Variants in CD36 observed in about 807,000 individuals in gnomAD.
CD36 encodes CD36 molecule (CD36 blood group).
Under a neutral mutation model 55.2 loss-of-function variants are expected in CD36, and 119 were observed. The ratio of observed to expected loss-of-function variants is 2.15; its 90% CI spans 1.86 to 2.51. CD36 has a LOEUF of 2.51. Among genes scored for constraint, CD36 ranks in the 30% most tolerant of loss-of-function variants. The probability of loss-of-function intolerance (pLI) is 0.00; values close to 1 mark genes in which losing one functional copy is unlikely to be tolerated. For synonymous variants in CD36, 186 were observed against 193.6 expected, an observed-to-expected ratio of 0.96 and a Z score of 0.33; for missense variants, 819 against 555.5, an observed-to-expected ratio of 1.47 and a Z score of -4.77.
At chr7:80,672,152 T>A in intron 11 of CD36, 112 bp downstream of exon 11, 7 of 920,732 alleles carry the variant, frequency 7.6e-6, no homozygotes, top group Non-Finnish European at 1.2e-5. Flanking sequence ...ATTTATTGAA[T>A]CACATTCTTG....
intron 5 of CD36, chr7:80,662,381 C>T (rs942767137): frequency 2.8e-5 from 6 of 215,214 alleles, no homozygotes; most frequent in Non-Finnish European, 5.1e-5. Flanking sequence ...ACCTGGGACA[C>T]CGGGGTCTTC....
chr7:80,623,175 C>T (rs1277345532), intron 1 of CD36, among the ~76,000 whole-genome samples: 3 of 152,054 alleles, frequency 2.0e-5, no homozygotes, highest in Admixed American at 1.3e-4. Flanking sequence ...AAATTTTGGA[C>T]TTCTATTAAA....
chr7:80,673,289 T>G, intron 12 of CD36, 66 bp from the exon 13 acceptor site: 2 of 745,490 alleles, frequency 2.7e-6, no homozygotes, highest in Non-Finnish European at 4.5e-6. Flanking sequence ...TGAACATTTA[T>G]TTTAAAGTTT....
chr7:80,641,745 A>G (rs1240571396), intron 1 of CD36, among the ~76,000 whole-genome samples: 1 of 152,070 alleles, frequency 6.6e-6, no homozygotes, highest in African/African-American at 2.4e-5. Context: ...ACACAGCTTT[A>G]TAAACACAAG....
rs1284547654 is a variant in CD36 at position 80,678,967 on chromosome 7, T to G, written c.*2584T>G. On this transcript the variant is annotated 3_prime_UTR_variant, in exon 15 of 15. Transcript: ENST00000447544. ...CCAACTGACATTTCAGTTTTTCTGT[T>G]TGAAGTCCAATGTATTAGTGACTCT... 6.6e-6 allele frequency: 1 copy of G among 152,224 alleles called. No homozygotes were observed. The highest frequency in any genetic ancestry group is 1.5e-5 in the Non-Finnish European group (1 of 68,046). The allele number at this position is 152,224 out of a possible 1,614,324, so 9.4% of individuals were successfully genotyped here. A position where few individuals can be genotyped will look rare whatever the true frequency, so the allele number is the denominator to read the frequency against.
At chr7:80,664,801 C>A (rs1402551644) in intron 7 of CD36, among the ~76,000 whole-genome samples, 1 of 149,994 alleles carries the variant, frequency 6.7e-6, no homozygotes, top group Non-Finnish European at 1.5e-5. Context: ...GCTACTTATC[C>A]AGCATTACAG....
At chr7:80,660,458 G>A (rs544273017) in intron 4 of CD36, among the ~76,000 whole-genome samples, 2 of 152,248 alleles carry the variant, frequency 1.3e-5, no homozygotes, top group East Asian at 3.9e-4. Flanking sequence ...AAGAAAATGT[G>A]CTCTAAATAT....
At chr7:80,620,331 A>C (rs563171307) in intron 1 of CD36, among the ~76,000 whole-genome samples, 8 of 152,284 alleles carry the variant, frequency 5.3e-5, no homozygotes, top group Admixed American at 5.2e-4. Context: ...CCAAGTCTCC[A>C]GGACTACCGA....
At chr7:80,646,609 C>G in intron 2 of CD36, 43 bp from the exon 3 acceptor site, 1 of 1,066,360 alleles carries the variant, frequency 9.4e-7, no homozygotes, top group Non-Finnish European at 1.4e-6. Context: ...TCTTTTTGTA[C>G]TGATATTTAA....
chr7:80,613,281 C>G (rs1464491727), intron 1 of CD36, among the ~76,000 whole-genome samples: 6 of 151,964 alleles, frequency 3.9e-5, no homozygotes, highest in Admixed American at 3.9e-4. Context: ...ACTTAAGTTT[C>G]TCTATTTTTT....
intron 10 of CD36, among the ~76,000 whole-genome samples, chr7:80,671,647 A>G (rs1347563406): frequency 1.3e-5 from 2 of 152,070 alleles, no homozygotes; most frequent in Non-Finnish European, 2.9e-5. Flanking sequence ...GTACATATTT[A>G]TCATACTAAC....
intron 1 of CD36, among the ~76,000 whole-genome samples, chr7:80,608,551 G>T (rs1235735621): frequency 6.6e-6 from 1 of 152,114 alleles, no homozygotes; most frequent in East Asian, 1.9e-4. Flanking sequence ...TTCCATAGAA[G>T]GGTTAAATAT....
At chr7:80,670,235 C>A in intron 9 of CD36, 1 of 558,128 alleles carries the variant, frequency 1.8e-6, no homozygotes, top group South Asian at 2.1e-5. Context: ...CTTTTAAAAA[C>A]TAAACTAGTA....
In CD36 at chr7:80,676,710, T is replaced by A. The variant is rs1798177023; in HGVS notation, c.*327T>A. On this transcript the variant is annotated 3_prime_UTR_variant, in exon 15 of 15. Coordinates refer to ENST00000447544, the MANE Select transcript of CD36 (RefSeq NM_001001548.3). ...ATGGGCTTAAATATTTTGTCACTGA[T>A]CCTGCAAATGGACATCATTTTAGCA... 1.3e-5 allele frequency: 2 copies of A among 152,298 alleles called. No homozygotes were observed. Among genetic ancestry groups the A allele is most frequent in the South Asian group, 4.1e-4 (2 of 4,828 alleles). 9.4% of individuals were successfully genotyped at this position (152,298 alleles called of 1,614,324 possible).
chr7:80,651,914 G>A (rs559043168), intron 3 of CD36, among the ~76,000 whole-genome samples: 5 of 151,948 alleles, frequency 3.3e-5, no homozygotes, highest in South Asian at 4.1e-4. Context: ...GTCTCCCCCC[G>A]CAAAAAATTA....
chr7:80,666,374 A>G, intron 7 of CD36, 69 bp from the exon 8 acceptor site: 1 of 1,011,374 alleles, frequency 9.9e-7, no homozygotes, highest in Non-Finnish European at 1.6e-6. Flanking sequence ...GAATTATAAT[A>G]GAAAAAGTAA....
At chr7:80,631,602 C>T (rs1335937487) in intron 1 of CD36, among the ~76,000 whole-genome samples, 1 of 151,240 alleles carries the variant, frequency 6.6e-6, no homozygotes, top group African/African-American at 2.4e-5. Flanking sequence ...CACAAAGACA[C>T]ATACAGGACA....
At chr7:80,621,886 A>C (rs1537477) in intron 1 of CD36, among the ~76,000 whole-genome samples, 71,311 of 152,100 alleles carry the variant, frequency 0.47, 17,486 homozygotes, top group Non-Finnish European at 0.54. Flanking sequence ...TGAAAGCCAC[A>C]CTACGAGTTA....
At chr7:80,602,407 T>C (rs534758295) in intron 1 of CD36, 1 of 152,276 alleles carries the variant, frequency 6.6e-6, no homozygotes, top group East Asian at 1.9e-4. Context: ...TGTTTAGAAG[T>C]GTGGCTATAA....
Sources: allele counts gnomAD v4.1 joint callset (sites outside exome capture counted in the v4.1 genomes callset), GRCh38; gene constraint gnomAD v4.1.1; transcripts MANE v1.5; gene names NCBI Gene and HGNC (gene_info 2026-07-23, HGNC 2026-07-21).